Variants in SH3RF1 observed in about 807,000 individuals in gnomAD.
SH3RF1 encodes SH3 domain containing ring finger 1.
In SH3RF1, 32 loss-of-function variants were observed where a neutral mutation model predicts 74.0. The ratio of observed to expected loss-of-function variants is 0.43; its 90% confidence interval spans 0.33 to 0.58. SH3RF1 has a LOEUF of 0.58. Among genes scored for constraint, SH3RF1 ranks in the 20% least tolerant of loss-of-function variants. SH3RF1 has a pLI of 0.05. For missense variants in SH3RF1, 954 were observed against 1,130.9 expected, an observed-to-expected ratio of 0.84 and a Z score of 2.24; for synonymous variants, 396 against 439.6, an observed-to-expected ratio of 0.90 and a Z score of 1.24.
Position 169,268,925 on chromosome 4 carries a change from T to C in SH3RF1, c.288A>G (p.Ala96=), listed in dbSNP as rs776529066. 2.5e-6 allele frequency: 4 copies of C among 1,614,166 alleles called. No individual in the cohort carries two copies. The Admixed American group carries it at 5.0e-5, about 20-fold the overall frequency. ...GGGSGTNCTN[A]LRSQSSTVAN... is the part of the protein sequence containing the mutation. ...CCACAGTGCTGCTCTGAGACCTTAA[T>C]GCATTTGTGCAGTTGGTCCCACTTC... The change falls in exon 2 of 12, where the codon GCA becomes GCG. Residue 96 remains alanine (A), a synonymous_variant. Coordinates refer to ENST00000284637, the MANE Select transcript of SH3RF1 (RefSeq NM_020870.4).
chr4:169,122,055 G>A (rs369840641), intron 7 of SH3RF1, 45 bp downstream of exon 7: 63 of 1,598,008 alleles, frequency 3.9e-5, no homozygotes, highest in African/African-American at 1.5e-4. Context: ...TTTGGACTTC[G>A]TTTAAATGAA....
At chr4:169,114,163 G>A (rs754700845) in intron 10 of SH3RF1, among the ~76,000 whole-genome samples, 10 of 152,066 alleles carry the variant, frequency 6.6e-5, no homozygotes, top group Non-Finnish European at 1.0e-4. Context: ...GGTAAAAATC[G>A]GGTCCTAAAA....
intron 2 of SH3RF1, among the ~76,000 whole-genome samples, chr4:169,186,362 C>T (rs180775917): frequency 3.3e-5 from 5 of 151,564 alleles, no homozygotes; most frequent in African/African-American, 9.7e-5. Flanking sequence ...AAAAAAAAAA[C>T]GAATTTATTT....
chr4:169,134,470 A>G (rs555348013), intron 5 of SH3RF1, among the ~76,000 whole-genome samples: 1 of 152,224 alleles, frequency 6.6e-6, no homozygotes, highest in African/African-American at 2.4e-5. Flanking sequence ...AGCTATTCCC[A>G]TTCTGAGCTG....
chr4:169,155,408 C>G (rs529387762), intron 4 of SH3RF1, 72 bp downstream of exon 4: 1 of 1,213,866 alleles, frequency 8.2e-7, no homozygotes, highest in African/African-American at 1.5e-5. Flanking sequence ...TCTTAATACT[C>G]AAATTGCATA....
chr4:169,200,346 CA>C (rs1734888089), intron 2 of SH3RF1, among the ~76,000 whole-genome samples: 1 of 151,994 alleles, frequency 6.6e-6, no homozygotes, highest in Admixed American at 6.6e-5. Flanking sequence ...GGAGTTCCAA[CA>C]ATAGGTATTA....
intron 2 of SH3RF1, among the ~76,000 whole-genome samples, chr4:169,264,686 T>C (rs553804808): frequency 2.0e-5 from 3 of 152,228 alleles, no homozygotes; most frequent in Admixed American, 1.3e-4. Flanking sequence ...TCAGTCCCAA[T>C]GGTCCCTCTT....
intron 2 of SH3RF1, among the ~76,000 whole-genome samples, chr4:169,260,542 G>A (rs1024926079): frequency 3.9e-5 from 6 of 152,132 alleles, no homozygotes; most frequent in African/African-American, 9.7e-5. Flanking sequence ...GGGCAGAGGT[G>A]GAACTTTTCA....
chr4:169,194,323 A>G (rs1734775571), intron 2 of SH3RF1, among the ~76,000 whole-genome samples: 1 of 152,204 alleles, frequency 6.6e-6, no homozygotes, highest in African/African-American at 2.4e-5. Context: ...GTTTGCCAGA[A>G]CCTAGAAGTG....
At chr4:169,216,354 T>C (rs1188982689) in intron 2 of SH3RF1, among the ~76,000 whole-genome samples, 4 of 152,206 alleles carry the variant, frequency 2.6e-5, no homozygotes, top group African/African-American at 7.2e-5. Context: ...TTAAAAATTT[T>C]CATTATTTGT....
intron 2 of SH3RF1, among the ~76,000 whole-genome samples, chr4:169,256,186 T>A (rs556215132): frequency 6.7e-4 from 102 of 152,232 alleles, no homozygotes; most frequent in Non-Finnish European, 6.5e-4. Flanking sequence ...TGAATTTTTT[T>A]AAAATTACTT....
At position 169,259,829 on chromosome 4, in the gene SH3RF1, T is replaced by G. The variant is rs74650896; in HGVS notation, c.393+8991A>C. Among the ~76,000 whole-genome samples, 1,328 of 152,356 alleles carry G rather than the reference T, an allele frequency of 8.7e-3. 13 individuals carry two copies. The highest frequency in any genetic ancestry group is 0.03 in the African/African-American group (1,253 of 41,584). On this transcript the variant is annotated intron_variant, in intron 2 of 11. Coordinates refer to ENST00000284637, the MANE Select transcript of SH3RF1 (RefSeq NM_020870.4). ...TCACTATCCATACTATGTCGCTATG[T>G]GTAGTATTTCTATCACAAGTACATC... is the stretch of plus-strand genomic sequence containing the variant.
chr4:169,148,423 C>T (rs1579107072), intron 4 of SH3RF1, among the ~76,000 whole-genome samples: 3 of 151,948 alleles, frequency 2.0e-5, no homozygotes, highest in Admixed American at 6.6e-5. Context: ...AATTATATGG[C>T]GAGAGGCAAA....
At chr4:169,251,347 T>G (rs767524897) in intron 2 of SH3RF1, among the ~76,000 whole-genome samples, 1 of 152,240 alleles carries the variant, frequency 6.6e-6, no homozygotes, top group Admixed American at 6.5e-5. Flanking sequence ...TTCCTCTCAG[T>G]GACTTTGTTA....
chr4:169,193,805 TAG>T (rs1491063341), intron 2 of SH3RF1, among the ~76,000 whole-genome samples: 3 of 152,210 alleles, frequency 2.0e-5, no homozygotes, highest in South Asian at 2.1e-4. Context: ...TGAAAACAGA[TAG>T]AGTCTACGAG....
rs563740639 is a variant in SH3RF1 at position 169,196,113 on chromosome 4, C to T, written c.394-39434G>A. 1.1e-4 allele frequency among the ~76,000 whole-genome samples: 17 copies of T among 152,246 alleles called. No homozygotes were observed. In the East Asian group the frequency reaches 1.5e-3, roughly 14 times the overall value. ...TACAGGAGTGAGCCACCACGCCCAG[C>T]GAACACAATAATTATAAAGTCTATT... is the stretch of plus-strand genomic sequence containing the variant. On this transcript the variant is annotated intron_variant, in intron 2 of 11. Coordinates refer to ENST00000284637, the MANE Select transcript of SH3RF1 (RefSeq NM_020870.4).
chr4:169,180,456 C>G (rs977699225), intron 2 of SH3RF1, among the ~76,000 whole-genome samples: 5 of 152,200 alleles, frequency 3.3e-5, no homozygotes, highest in African/African-American at 1.2e-4. Context: ...TTTAACTACT[C>G]TAGTGAATTG....
chr4:169,223,035 T>C (rs901420624), intron 2 of SH3RF1, among the ~76,000 whole-genome samples: 3 of 152,158 alleles, frequency 2.0e-5, no homozygotes, highest in Non-Finnish European at 4.4e-5. Context: ...ACATGTGACA[T>C]TGCCTCCAAC....
chr4:169,152,087 A>G (rs913983397), intron 4 of SH3RF1, among the ~76,000 whole-genome samples: 2 of 152,192 alleles, frequency 1.3e-5, no homozygotes, highest in East Asian at 3.9e-4. Context: ...CTTAAAAAAT[A>G]TACCCTTTTA....
Sources: allele counts gnomAD v4.1 joint callset (sites outside exome capture counted in the v4.1 genomes callset), GRCh38; gene constraint gnomAD v4.1.1; transcripts MANE v1.5; gene names NCBI Gene and HGNC (gene_info 2026-07-23, HGNC 2026-07-21).